Variants in LILRB5 observed in about 807,000 individuals in gnomAD.
LILRB5 encodes leukocyte immunoglobulin-like receptor subfamily B member 5.
LILRB5 carries 61 observed loss-of-function variants against 68.4 expected under a neutral mutation model. The observed-to-expected ratio is 0.89, with a 90% CI of 0.73 to 1.10. The LOEUF (loss-of-function observed/expected upper bound fraction) is 1.10, where lower values mean the gene tolerates loss of function less well. Ranked by LOEUF, LILRB5 falls within the 50% of genes least tolerant of loss-of-function variation. LILRB5 has a pLI of 0.00. For missense variants in LILRB5, 771 were observed against 751.6 expected (o/e 1.03, Z -0.30); for synonymous variants, 356 against 315.8 (o/e 1.13, Z -1.35).
rs148108644 is a variant in LILRB5 at position 54,255,530 on chromosome 19, G to T, written c.708C>A (p.Arg236=). The T allele has an allele frequency of 1.1e-3, 1,769 of 1,613,934 alleles. 24 individuals are homozygous for T. The African/African-American group carries it at 0.02, about 19-fold the overall frequency. Residue 236 remains arginine, a synonymous_variant, in exon 5 of 13, where the codon CGC becomes CGA. Transcript: ENST00000449561. ...GACACTGCAGGGTCAGGCTGCCTCC[G>T]CGGGCCACGACAGAGCCCTGCGGGA... ...LLIPQGSVVA[R]GGSLTLQCRS...
At chr19:54,251,083 A>G (rs637515) in intron 12 of LILRB5, 151 bp from the exon 13 acceptor site, 752,236 of 1,239,080 alleles carry the variant, frequency 0.61, 232,762 homozygotes, top group Middle Eastern at 0.66. Context: ...ACAGTGGGGA[A>G]GGAGGAGAGG....
Position 54,254,042 on chromosome 19 carries a change from G to T in LILRB5, c.1333C>A (p.Pro445Thr). ...PAGPEDQPLT[P>T]TGLDPQSGLG... Reference sequence around the variant, plus strand: ...CCACTCTGGGGATCCAACCCCGTGGGGGTGAGGGGCTGGTCCTCAGGGCCT... The same window carrying T: ...CCACTCTGGGGATCCAACCCCGTGGTGGTGAGGGGCTGGTCCTCAGGGCCT... Residue 445 changes from proline (P) to threonine (T), a missense_variant, in exon 8 of 13, where the codon CCC (proline) becomes ACC (threonine). Transcript: ENST00000449561. 4.4e-6 allele frequency: 7 copies of T among 1,597,812 alleles called. No individual in the cohort carries two copies. The highest frequency in any genetic ancestry group is 6.0e-6 in the Non-Finnish European group (7 of 1,171,942).
chr19:54,255,691 T>C (rs1261177687), intron 4 of LILRB5, 109 bp from the exon 5 acceptor site: 7 of 1,306,900 alleles, frequency 5.4e-6, no homozygotes, highest in African/African-American at 4.5e-5. Flanking sequence ...TCACGCTCTG[T>C]GTCTCGGATC....
rs2078909820 is a variant in LILRB5, at chr19:54,250,614, C to G, written c.*172G>C. The G allele has an allele frequency of 2.7e-6, 2 of 732,554 alleles. No individual in the cohort carries two copies. The highest frequency in any genetic ancestry group is 5.9e-5 in the Admixed American group (2 of 33,696). 45.4% of individuals were successfully genotyped at this position (732,554 alleles called of 1,614,324 possible). On this transcript the variant is annotated 3_prime_UTR_variant, in exon 13 of 13. Transcript: ENST00000449561. Reference sequence around the variant, plus strand: ...ATTTCAAAAATGCAAGGATATTAGTCATCTTTGACTGCAGAATCTAGTGAG... The same window carrying G: ...ATTTCAAAAATGCAAGGATATTAGTGATCTTTGACTGCAGAATCTAGTGAG...
At position 54,252,536 on chromosome 19, in the gene LILRB5, A is replaced by C. The variant is rs750339216; in HGVS notation, c.1488T>G (p.Arg496=). ...SKHRTSAHFY[R]PAGAAGPEPK... The stretch of plus-strand genomic sequence containing the variant: ...GCTCTGGCCCCGCAGCCCCTGCAGG[A>C]CGGTAGAAATGGGCTGGACAGAGAT... The change falls in exon 10 of 13, where the codon CGT becomes CGG. Residue 496 remains arginine (R), a synonymous_variant. Coordinates refer to ENST00000449561, the MANE Select transcript of LILRB5 (RefSeq NM_001081442.3). The C allele has an allele frequency of 2.5e-6, 4 of 1,613,958 alleles. No homozygotes were observed. The Admixed American group carries it at 6.7e-5, about 27-fold the overall frequency.
chr19:54,252,258 TCCCCCTTGGCCCCAGACCCCC>T, intron 11 of LILRB5, 87 bp downstream of exon 11: 1 of 1,425,194 alleles, frequency 7.0e-7, no homozygotes, highest in Non-Finnish European at 9.8e-7. Flanking sequence ...TCAGACCGCC[TCCCCCTTGGCCCCAGACCCCC>T]CCCAGCCTGT....
chr19:54,254,542 A>G (rs2079057760), intron 6 of LILRB5, 127 bp from the exon 7 acceptor site: 2 of 1,307,026 alleles, frequency 1.5e-6, no homozygotes, highest in African/African-American at 3.0e-5. Context: ...ATCCCAGGAG[A>G]TGGGGCCAAG....
Position 54,256,847 on chromosome 19 carries a change from C to T in LILRB5, c.71-74G>A, listed in dbSNP as rs116034339. The T allele has an allele frequency of 6.8e-3, 10,961 of 1,607,422 alleles. 680 individuals are homozygous for T. The African/African-American group carries it at 0.13, about 19-fold the overall frequency. ...TTCCAGCTCTCAGCCCCAGGACCCTCCAGACGTCCCCATCAGTCAGCCCAG... is the reference window on the plus strand; with the variant it reads ...TTCCAGCTCTCAGCCCCAGGACCCTTCAGACGTCCCCATCAGTCAGCCCAG... On this transcript the variant is annotated intron_variant, in intron 2 of 12. Coordinates refer to ENST00000449561, the MANE Select transcript of LILRB5 (RefSeq NM_001081442.3).
Position 54,256,533 on chromosome 19 carries a change from G to C in LILRB5, c.311C>G (p.Ala104Gly). ...GGGGTCACTGGGCTCTGACCAGCCT[G>C]CAGGGGTCTCATAGTAGCAGCGGTA... is the stretch of plus-strand genomic sequence containing the variant. ...GRYRCYYETP[A>G]GWSEPSDPLE... The change falls in exon 3 of 13, where the codon GCA becomes GGA. Residue 104 changes from alanine to glycine, a missense_variant. By Grantham distance (60) the Ala-to-Gly change is moderately conservative. Transcript: ENST00000449561. The C allele has an allele frequency of 6.2e-7, 1 of 1,614,046 alleles. No homozygotes were observed. Among genetic ancestry groups the C allele is most frequent in the Non-Finnish European group, 8.5e-7 (1 of 1,180,008 alleles).
chr19:54,252,428 G>A lies in LILRB5; in HGVS notation c.1539-25C>T, dbSNP rs752405305. The A allele has an allele frequency of 1.5e-5, 25 of 1,613,992 alleles. No homozygotes were observed. In the South Asian group the frequency reaches 1.9e-4, roughly 12 times the overall value. On this transcript the variant is annotated intron_variant, in intron 10 of 12. Coordinates refer to ENST00000449561, the MANE Select transcript of LILRB5 (RefSeq NM_001081442.3). Reference sequence around the variant, plus strand: ...CCTGGGGGAGGACACGGGAGTGTGAGGGGCAGTGAGGGGGCTGTGCGGGTG... The same window carrying A: ...CCTGGGGGAGGACACGGGAGTGTGAAGGGCAGTGAGGGGGCTGTGCGGGTG...
At chr19:54,254,457 G>A (rs2079055212) in intron 6 of LILRB5, 42 bp from the exon 7 acceptor site, 1 of 1,546,072 alleles carries the variant, frequency 6.5e-7, no homozygotes, top group East Asian at 2.4e-5. Flanking sequence ...CTTTGGTGCT[G>A]AGTGAGGAAA....
chr19:54,256,696 G>A lies in LILRB5; in HGVS notation c.148C>T (p.Gln50Ter). The A allele has an allele frequency of 6.2e-7, 1 of 1,614,122 alleles. No individual in the cohort carries two copies. Among genetic ancestry groups the A allele is most frequent in the Non-Finnish European group, 8.5e-7 (1 of 1,179,996 alleles). Residue 50 changes from glutamine to a stop codon, truncating the protein, a stop_gained, in exon 3 of 13, where the codon CAG becomes TAG. Coordinates refer to ENST00000449561, the MANE Select transcript of LILRB5 (RefSeq NM_001081442.3). LOFTEE classifies it high-confidence loss of function. ...ARGKPVTLWC[Q>*]GPLETEEYRL... ...TACTCCTCAGTCTCCAGGGGCCCCT[G>A]ACACCAGAGGGTCACGGGCTTCCCC...
rs930515939 is a variant in LILRB5, at chr19:54,257,187, G to T, written c.7C>A (p.Leu3Ile). Reference sequence around the variant, plus strand: ...AGGCAAATCAGGACTGAGAGGGTGAGGGTCATGGCGTCAGCTCCCACTGGA... The same window carrying T: ...AGGCAAATCAGGACTGAGAGGGTGATGGTCATGGCGTCAGCTCCCACTGGA... MT[L>I]TLSVLICLGL... Residue 3 changes from leucine (L) to isoleucine (I), a missense_variant, in exon 1 of 13, where the codon CTC (leucine) becomes ATC (isoleucine). By Grantham distance (5) the Leu-to-Ile change is conservative. Coordinates refer to ENST00000449561, the MANE Select transcript of LILRB5 (RefSeq NM_001081442.3). 4.3e-6 allele frequency: 7 copies of T among 1,614,092 alleles called. No individual in the cohort carries two copies. The African/African-American group carries it at 9.3e-5, about 22-fold the overall frequency.
intron 8 of LILRB5, 74 bp from the exon 9 acceptor site, chr19:54,253,061 G>T: frequency 1.1e-6 from 1 of 946,212 alleles, no homozygotes; most frequent in Non-Finnish European, 1.5e-6. Flanking sequence ...GCGCGAGCTA[G>T]GTCTTTCCTT....
intron 11 of LILRB5, 98 bp downstream of exon 11, chr19:54,252,268 C>A: frequency 1.4e-6 from 2 of 1,445,692 alleles, no homozygotes; most frequent in Non-Finnish European, 1.9e-6. Context: ...TCCCCCTTGG[C>A]CCCAGACCCC....
At chr19:54,253,053 G>A (rs537157485) in intron 8 of LILRB5, 66 bp from the exon 9 acceptor site, 31 of 1,063,892 alleles carry the variant, frequency 2.9e-5, no homozygotes, top group East Asian at 1.8e-4. Flanking sequence ...GTGTGCAGGC[G>A]CGAGCTAGGT....
At chr19:54,253,108 G>A in intron 8 of LILRB5, 121 bp from the exon 9 acceptor site, 1 of 437,852 alleles carries the variant, frequency 2.3e-6, no homozygotes, top group Middle Eastern at 3.8e-4. Context: ...GTGCAACATG[G>A]GATTGCCAAC....
chr19:54,254,646 C>A (rs927575486), intron 6 of LILRB5, 89 bp downstream of exon 6: 2 of 1,529,338 alleles, frequency 1.3e-6, no homozygotes, highest in Non-Finnish European at 1.8e-6. Context: ...CCCCCCCGCA[C>A]CGCGACTCCA....
chr19:54,254,233 T>A (rs1741594667), intron 7 of LILRB5, 132 bp downstream of exon 7: 4 of 1,444,256 alleles, frequency 2.8e-6, no homozygotes, highest in Non-Finnish European at 3.7e-6. Flanking sequence ...TGGCCCCTCC[T>A]CTGGCTCTGC....
Sources: gnomAD v4.1 joint callset for allele counts on GRCh38, gnomAD v4.1.1 for gene constraint, MANE v1.5 for transcripts, NCBI Gene and HGNC (gene_info 2026-07-23, HGNC 2026-07-21) for gene names.